Variants in TCF4 observed in about 807,000 individuals in gnomAD.
TCF4 encodes SL3-3 enhancer factor 2.
Under a neutral mutation model 82.1 loss-of-function variants are expected in TCF4, and 3 were observed. That is an observed-to-expected ratio of 0.04 (90% CI 0.02 to 0.09). The LOEUF is 0.09. Ranked by LOEUF, TCF4 falls within the 10% of genes least tolerant of loss-of-function variation. The probability of loss-of-function intolerance (pLI) is 1.00; values close to 1 mark genes in which losing one functional copy is unlikely to be tolerated. For synonymous variants in TCF4, 276 were observed against 309.6 expected (o/e 0.89, Z 1.14); for missense variants, 518 against 852.7 (o/e 0.61, Z 4.89).
intron 8 of TCF4, among the ~76,000 whole-genome samples, chr18:55,301,822 G>GA (rs2068411836): frequency 7.3e-6 from 1 of 137,168 alleles, no homozygotes; most frequent in Non-Finnish European, 1.6e-5. Context: ...AGTGGGGGGG[G>GA]ATTCGGGTGG....
intron 6 of TCF4, among the ~76,000 whole-genome samples, chr18:55,395,711 C>T (rs1023518249): frequency 6.6e-6 from 1 of 152,122 alleles, no homozygotes; most frequent in African/African-American, 2.4e-5. Context: ...TATAATGAAT[C>T]CAAATTTATA....
intron 3 of TCF4, among the ~76,000 whole-genome samples, chr18:55,498,517 A>G (rs1183403775): frequency 1.3e-5 from 2 of 152,220 alleles, no homozygotes; most frequent in Non-Finnish European, 2.9e-5. Flanking sequence ...TACGAGCGTG[A>G]GACCAACCAT....
chr18:55,257,263 A>G, intron 14 of TCF4, 52 bp downstream of exon 14: 1 of 1,572,280 alleles, frequency 6.4e-7, no homozygotes, highest in Non-Finnish European at 8.8e-7. Flanking sequence ...ACTGAACAAG[A>G]AAGAACATGA....
intron 2 of TCF4, among the ~76,000 whole-genome samples, chr18:55,631,051 GTTT>G (rs35757922): frequency 7.0e-6 from 1 of 142,294 alleles, no homozygotes; most frequent in South Asian, 2.2e-4. Context: ...AGAGCAATGG[GTTT>G]TTTTTTTTTT....
intron 2 of TCF4, among the ~76,000 whole-genome samples, chr18:55,586,429 C>A (rs1428898269): frequency 6.6e-6 from 1 of 152,198 alleles, no homozygotes; most frequent in Non-Finnish European, 1.5e-5. Context: ...TAAAACTCCA[C>A]AAGTGTGTCA....
chr18:55,468,668 G>A (rs1044036394), intron 3 of TCF4, among the ~76,000 whole-genome samples: 4 of 152,144 alleles, frequency 2.6e-5, no homozygotes, highest in African/African-American at 7.2e-5. Flanking sequence ...ATCTTGTGTG[G>A]TACTGTACAA....
chr18:55,419,472 C>T (rs2094647431), intron 5 of TCF4, among the ~76,000 whole-genome samples: 1 of 152,064 alleles, frequency 6.6e-6, no homozygotes, highest in South Asian at 2.1e-4. Context: ...TATATTTTGT[C>T]TTGTCAAGTG....
At chr18:55,358,638 C>T (rs775582772) in intron 6 of TCF4, among the ~76,000 whole-genome samples, 2 of 152,260 alleles carry the variant, frequency 1.3e-5, no homozygotes, top group Non-Finnish European at 2.9e-5. Context: ...TATGCTAGTT[C>T]TCTGCTCCAC....
chr18:55,298,338 C>T (rs180789739), intron 8 of TCF4, among the ~76,000 whole-genome samples: 1 of 152,308 alleles, frequency 6.6e-6, no homozygotes, highest in East Asian at 1.9e-4. Flanking sequence ...CATTTCAAAA[C>T]CAGAATGGTG....
intron 3 of TCF4, among the ~76,000 whole-genome samples, chr18:55,532,262 G>A (rs2097072114): frequency 6.6e-6 from 1 of 152,108 alleles, no homozygotes; most frequent in Admixed American, 6.5e-5. Context: ...ATGGATTAAG[G>A]AGTTAATAGT....
At chr18:55,261,628 T>G (rs2058096720) in intron 11 of TCF4, 95 bp from the exon 12 acceptor site, 3 of 1,297,742 alleles carry the variant, frequency 2.3e-6, no homozygotes, top group Non-Finnish European at 3.4e-6. Context: ...AATTGCATTT[T>G]TAATGCTAAT....
rs371569463 is a variant in TCF4 at position 55,272,459 on chromosome 18, G to C, written c.790-2496C>G. Among the ~76,000 whole-genome samples, 24 of 152,140 alleles carry C rather than the reference G, an allele frequency of 1.6e-4. No individual in the cohort carries two copies. In the East Asian group the frequency reaches 4.2e-3, roughly 27 times the overall value. ...CAAAGGACATGAGGAGTGTGACAAA[G>C]TGCGAGGCTTTACATGCCCACTATT... On this transcript the variant is annotated intron_variant, in intron 10 of 19. Transcript: ENST00000354452.
chr18:55,605,648 T>G (rs1326849318), intron 2 of TCF4, among the ~76,000 whole-genome samples: 1 of 152,194 alleles, frequency 6.6e-6, no homozygotes, highest in Non-Finnish European at 1.5e-5. Context: ...TACTCCAAGT[T>G]GATGAAGGAA....
chr18:55,370,981 A>C (rs984162608), intron 6 of TCF4, among the ~76,000 whole-genome samples: 4 of 152,176 alleles, frequency 2.6e-5, no homozygotes, highest in Non-Finnish European at 5.9e-5. Context: ...TTTTCTTATA[A>C]CTTTTGCATT....
At chr18:55,521,017 C>T (rs2096928643) in intron 3 of TCF4, among the ~76,000 whole-genome samples, 1 of 152,066 alleles carries the variant, frequency 6.6e-6, no homozygotes, top group Non-Finnish European at 1.5e-5. Context: ...ATGGCTTCTG[C>T]ACTATGTCTT....
At position 55,422,545 on chromosome 18, in the gene TCF4, T is replaced by C. The variant is rs537520533; in HGVS notation, c.305-19027A>G. ...AGGCTAACACTCATCACATGTTTCC[T>C]ATGATGGAAATTTAGGGGGGTGGTT... On this transcript the variant is annotated intron_variant, in intron 5 of 19. Transcript: ENST00000354452. 1.9e-4 allele frequency: 157 copies of C among 843,994 alleles called. No individual in the cohort carries two copies. In the African/African-American group the frequency reaches 2.7e-3, roughly 14 times the overall value. The allele number at this position is 843,994 out of a possible 1,614,324, so 52.3% of individuals were successfully genotyped here.
intron 3 of TCF4, among the ~76,000 whole-genome samples, chr18:55,499,142 G>C (rs978131997): frequency 6.6e-6 from 1 of 152,142 alleles, no homozygotes; most frequent in Non-Finnish European, 1.5e-5. Context: ...GAAGAAACTT[G>C]TTTACTCAGA....
intron 8 of TCF4, among the ~76,000 whole-genome samples, chr18:55,292,346 G>A (rs1205517940): frequency 6.6e-6 from 1 of 151,962 alleles, no homozygotes. Flanking sequence ...AATAATTTTG[G>A]ATTTTCAAAA....
chr18:55,568,759 G>C (rs940598305), intron 3 of TCF4, among the ~76,000 whole-genome samples: 10 of 152,078 alleles, frequency 6.6e-5, no homozygotes, highest in African/African-American at 2.4e-4. Context: ...TAACTTTGTA[G>C]ACAAAACTAG....
Sources: gnomAD v4.1 joint callset for allele counts (sites outside exome capture counted in the v4.1 genomes callset) on GRCh38, gnomAD v4.1.1 for gene constraint, MANE v1.5 for transcripts, NCBI Gene and HGNC (gene_info 2026-07-23, HGNC 2026-07-21) for gene names.